Variants in DNAH14 observed in about 807,000 individuals in gnomAD.
DNAH14 encodes the protein dynein axonemal heavy chain 14, also known as axonemal beta dynein heavy chain 14.
In DNAH14, 478 loss-of-function variants were observed where a neutral mutation model predicts 520.9. The ratio of observed to expected loss-of-function variants is 0.92; its 90% CI spans 0.85 to 0.99. The LOEUF (loss-of-function observed/expected upper bound fraction) is 0.99. Among genes scored for constraint, DNAH14 ranks in the 50% least tolerant of loss-of-function variants. DNAH14 has a pLI of 0.00. For synonymous variants in DNAH14, 1,581 were observed against 1,757.2 expected (o/e 0.90, Z 2.51); for missense variants, 4,831 against 5,234.5 (o/e 0.92, Z 2.38).
In DNAH14 at chr1:225,023,629, T is replaced by C. The variant is rs2148034814; in HGVS notation, c.1122T>C (p.Asn374=). ...TTAAATTGTAGGTTGCAGAAAAGAA[T>C]GAAATCAAAGAGTATTTTGAGTCAA... ...KSTFLKVAEK[N]EIKEYFESKL... Residue 374 remains asparagine, a synonymous_variant, in exon 11 of 86, where the codon AAT becomes AAC. Transcript: ENST00000682510. The C allele has an allele frequency of 3.3e-6, 5 of 1,523,036 alleles. No individual in the cohort carries two copies. The South Asian group carries it at 3.8e-5, about 12-fold the overall frequency. 94.3% of individuals were successfully genotyped at this position (1,523,036 alleles called of 1,614,324 possible).
At chr1:225,127,863 TG>T (rs1458461306) in intron 27 of DNAH14, among the ~76,000 whole-genome samples, 3 of 152,210 alleles carry the variant, frequency 2.0e-5, no homozygotes, top group African/African-American at 4.8e-5. Context: ...TTCCTTTCCA[TG>T]TTTAGTGCTT....
intron 26 of DNAH14, 90 bp downstream of exon 26, chr1:225,119,384 A>G: frequency 1.2e-6 from 1 of 836,930 alleles, no homozygotes; most frequent in Non-Finnish European, 1.7e-6. Flanking sequence ...AAACTCACTT[A>G]TCTACTAATC....
At chr1:225,198,066 G>A (rs779467142) in intron 38 of DNAH14, among the ~76,000 whole-genome samples, 32 of 152,034 alleles carry the variant, frequency 2.1e-4, no homozygotes, top group Non-Finnish European at 8.8e-5. Flanking sequence ...AGGATTTCCA[G>A]TACTATGTTG....
At chr1:224,975,306 A>G (rs1173160358) in intron 8 of DNAH14, among the ~76,000 whole-genome samples, 2 of 152,186 alleles carry the variant, frequency 1.3e-5, no homozygotes. Context: ...GAATAGTACC[A>G]GTTCCTCCTT....
At position 225,333,462 on chromosome 1, in the gene DNAH14, T is replaced by C. The variant is rs2094845068; in HGVS notation, c.10036T>C (p.Ser3346Pro). ...TFCIENGISL[S>P]SKFSLIKVMA... ...CTGCATTGAAAATGGCATTTCTTTG[T>C]CTTCCAAATTCTCTTTAATTAAAGT... The change falls in exon 66 of 86, where the codon TCT becomes CCT. Residue 3346 changes from serine to proline, a missense_variant. By Grantham distance (74) the Ser-to-Pro change is moderately conservative. Transcript: ENST00000682510. The C allele has an allele frequency of 1.3e-6, 2 of 1,551,284 alleles. No homozygotes were observed. The highest frequency in any genetic ancestry group is 2.7e-5 in the African/African-American group (2 of 73,158).
Position 225,172,404 on chromosome 1 carries a change from A to C in DNAH14, c.5535+4376A>C, listed in dbSNP as rs183654875. On this transcript the variant is annotated intron_variant, in intron 36 of 85. Coordinates refer to ENST00000682510, the MANE Select transcript of DNAH14 (RefSeq NM_001367479.1). ...AAAATCTCCTTAAGCTGATAAGCAA[A>C]TTCAGCAAAGTCTCAGGATACAAAA... 5.4e-3 allele frequency among the ~76,000 whole-genome samples: 815 copies of C among 152,224 alleles called. 22 individuals are homozygous for C. Among genetic ancestry groups the C allele is most frequent in the Admixed American group, 0.048 (730 of 15,278 alleles).
chr1:225,139,761 G>A (rs1198641997), intron 27 of DNAH14, among the ~76,000 whole-genome samples: 2 of 152,188 alleles, frequency 1.3e-5, no homozygotes, highest in Non-Finnish European at 2.9e-5. Flanking sequence ...TCTCTCCTGA[G>A]GCTGCAAATC....
intron 11 of DNAH14, among the ~76,000 whole-genome samples, chr1:225,027,877 TCTG>T (rs1461108972): frequency 4.6e-5 from 7 of 151,758 alleles, no homozygotes. Flanking sequence ...CTTTTTTTTT[TCTG>T]TCTGTTGAGA....
chr1:225,229,854 A>G (rs978815247), intron 41 of DNAH14, among the ~76,000 whole-genome samples: 5 of 152,148 alleles, frequency 3.3e-5, no homozygotes, highest in Admixed American at 6.6e-5. Context: ...ACCATGGTAC[A>G]TGTATACCTA....
chr1:225,316,443 C>T lies in DNAH14; in HGVS notation c.9241-2140C>T, dbSNP rs560548780. Among the ~76,000 whole-genome samples, 25 of 152,290 alleles carry T rather than the reference C, an allele frequency of 1.6e-4. 1 individual carries two copies. The South Asian group carries it at 3.1e-3, about 19-fold the overall frequency. On this transcript the variant is annotated intron_variant, in intron 60 of 85. Coordinates refer to ENST00000682510, the MANE Select transcript of DNAH14 (RefSeq NM_001367479.1). ...CTAGTTTGGTGTCTGCCCAAACAGCCGCCCAGTTTTGTGCTTGAAATCCAG... is the reference window on the plus strand; with the variant it reads ...CTAGTTTGGTGTCTGCCCAAACAGCTGCCCAGTTTTGTGCTTGAAATCCAG...
At chr1:225,065,476 C>T (rs574161634) in intron 17 of DNAH14, among the ~76,000 whole-genome samples, 2 of 151,510 alleles carry the variant, frequency 1.3e-5, no homozygotes, top group Middle Eastern at 6.9e-3. Flanking sequence ...AAATCTTACT[C>T]CTCCCATCTG....
intron 37 of DNAH14, among the ~76,000 whole-genome samples, chr1:225,191,580 A>G (rs2085447585): frequency 6.6e-6 from 1 of 151,720 alleles, no homozygotes; most frequent in Admixed American, 6.6e-5. Context: ...TTGGATTTGT[A>G]TTTTATATCT....
In DNAH14 at chr1:225,364,888, T is replaced by G; in HGVS notation, c.12084T>G (p.Gly4028=). ...TTCCAATTCCTGTTCTTAAAAAGGG[T>G]TTAAAGGTAAGAACAAAGTATAACA... is the stretch of plus-strand genomic sequence containing the variant. ...SSFPIPVLKK[G]LKIAVESPQG... The change falls in exon 76 of 86, where the codon GGT becomes GGG. Residue 4028 remains glycine, a synonymous_variant. Transcript: ENST00000682510. 1 of 1,544,578 alleles carries G rather than the reference T, an allele frequency of 6.5e-7. No individual in the cohort carries two copies. Among genetic ancestry groups the G allele is most frequent in the Non-Finnish European group, 8.7e-7 (1 of 1,143,960 alleles).
chr1:225,261,220 T>C (rs1390503436), intron 46 of DNAH14, among the ~76,000 whole-genome samples: 1 of 152,222 alleles, frequency 6.6e-6, no homozygotes, highest in Non-Finnish European at 1.5e-5. Flanking sequence ...TGGTTCCTGA[T>C]CACAGAGGAA....
intron 17 of DNAH14, among the ~76,000 whole-genome samples, chr1:225,071,335 T>C (rs1161950846): frequency 3.9e-5 from 6 of 152,162 alleles, no homozygotes; most frequent in Non-Finnish European, 5.9e-5. Context: ...TTCATTTTTA[T>C]ATTAATGCTT....
intron 8 of DNAH14, among the ~76,000 whole-genome samples, chr1:224,997,063 T>A (rs1010615594): frequency 6.6e-6 from 1 of 152,148 alleles, no homozygotes; most frequent in Non-Finnish European, 1.5e-5. Context: ...CTAGGATTTG[T>A]GAGGGAGCTA....
chr1:225,307,407 A>AT, intron 58 of DNAH14, 54 bp from the exon 59 acceptor site: 1 of 1,225,118 alleles, frequency 8.2e-7, no homozygotes, highest in Non-Finnish European at 1.1e-6. Flanking sequence ...ATCAAATTAT[A>AT]TTTGCTAAAT....
At chr1:224,976,164 A>C (rs2061824041) in intron 8 of DNAH14, among the ~76,000 whole-genome samples, 1 of 151,872 alleles carries the variant, frequency 6.6e-6, no homozygotes, top group Non-Finnish European at 1.5e-5. Flanking sequence ...TCAATTTTGG[A>C]ATAGGTGTGG....
Position 225,011,169 on chromosome 1 carries a change from T to C in DNAH14, c.1107+3625T>C, listed in dbSNP as rs565611186. ...TTGAACTTGTTTGCTCTTGCTTCTC[T>C]AGTTCTTTTAATTGTGATGTTAGGG... On this transcript the variant is annotated intron_variant, in intron 10 of 85. Coordinates refer to ENST00000682510, the MANE Select transcript of DNAH14 (RefSeq NM_001367479.1). 1.7e-4 allele frequency among the ~76,000 whole-genome samples: 26 copies of C among 152,302 alleles called. No homozygotes were observed. In the South Asian group the frequency reaches 5.4e-3, roughly 32 times the overall value.
Sources: allele counts gnomAD v4.1 joint callset (sites outside exome capture counted in the v4.1 genomes callset), GRCh38; gene constraint gnomAD v4.1.1; transcripts MANE v1.5; gene names NCBI Gene and HGNC (gene_info 2026-07-23, HGNC 2026-07-21).